Variants in SEPTIN10 observed in about 807,000 individuals in gnomAD.
SEPTIN10 encodes septin 10.
A neutral mutation model predicts 54.8 loss-of-function variants in SEPTIN10; 66 were observed. The ratio of observed to expected loss-of-function variants is 1.21; its 90% CI spans 0.99 to 1.48. The LOEUF (loss-of-function observed/expected upper bound fraction) is 1.48. SEPTIN10 is among the 40% of genes most tolerant of loss of function. The probability of loss-of-function intolerance (pLI) is 0.00; values close to 1 mark genes in which losing one functional copy is unlikely to be tolerated. For synonymous variants in SEPTIN10, 161 were observed against 181.0 expected, an observed-to-expected ratio of 0.89 and a Z score of 0.89; for missense variants, 620 against 545.6, an observed-to-expected ratio of 1.14 and a Z score of -1.36.
chr2:109,566,352 C>A (rs1687021554), intron 6 of SEPTIN10, among the ~76,000 whole-genome samples: 2 of 152,020 alleles, frequency 1.3e-5, no homozygotes, highest in Non-Finnish European at 2.9e-5. Flanking sequence ...AACTCCTGAC[C>A]TCAGGTGATC....
intron 8 of SEPTIN10, among the ~76,000 whole-genome samples, chr2:109,562,132 G>A (rs1048551763): frequency 2.0e-5 from 3 of 151,992 alleles, no homozygotes; most frequent in African/African-American, 7.3e-5. Context: ...AGAATCGCTT[G>A]AACCCAGGAG....
chr2:109,564,218 A>G (rs1212690353), intron 8 of SEPTIN10, 148 bp downstream of exon 8: 2 of 664,820 alleles, frequency 3.0e-6, no homozygotes, highest in Non-Finnish European at 4.4e-6. Context: ...GTGATTCAAG[A>G]AGCACAATAA....
chr2:109,563,116 G>A (rs1686093406), intron 8 of SEPTIN10, among the ~76,000 whole-genome samples: 1 of 152,198 alleles, frequency 6.6e-6, no homozygotes, highest in South Asian at 2.1e-4. Context: ...TCACCATGTT[G>A]GCCAGGCTGG....
chr2:109,590,047 TATGTGTGTGTATATATATAC>T (rs1247139156), intron 2 of SEPTIN10, among the ~76,000 whole-genome samples: 2 of 146,330 alleles, frequency 1.4e-5, no homozygotes. Flanking sequence ...CACACATATA[TATGTGTGTGTATATATATAC>T]ACACACATAT....
At chr2:109,582,737 A>G (rs1416613478) in intron 4 of SEPTIN10, among the ~76,000 whole-genome samples, 1 of 152,248 alleles carries the variant, frequency 6.6e-6, no homozygotes, top group Non-Finnish European at 1.5e-5. Flanking sequence ...ACTAAGCAAA[A>G]GAACAAAGCC....
At chr2:109,588,141 C>T (rs1303885798) in intron 2 of SEPTIN10, among the ~76,000 whole-genome samples, 1 of 151,746 alleles carries the variant, frequency 6.6e-6, no homozygotes, top group Non-Finnish European at 1.5e-5. Context: ...ATTCTACAGC[C>T]AATGAAAACA....
At chr2:109,559,404 G>C (rs564883230) in intron 8 of SEPTIN10, among the ~76,000 whole-genome samples, 2 of 152,262 alleles carry the variant, frequency 1.3e-5, no homozygotes, top group South Asian at 4.2e-4. Context: ...TCTGTAGCCT[G>C]ACCTAAACTT....
At chr2:109,608,244 T>C (rs905252633) in intron 1 of SEPTIN10, among the ~76,000 whole-genome samples, 3 of 152,222 alleles carry the variant, frequency 2.0e-5, no homozygotes, top group Non-Finnish European at 4.4e-5. Context: ...ACAGCTTCTA[T>C]TTGTCCATGA....
intron 4 of SEPTIN10, among the ~76,000 whole-genome samples, chr2:109,581,301 A>G (rs1691068990): frequency 1.3e-5 from 2 of 151,942 alleles, no homozygotes; most frequent in Admixed American, 6.6e-5. Context: ...GCCGGGTGTC[A>G]TAGCGGGCAC....
At chr2:109,554,058 G>C (rs1031748707) in intron 8 of SEPTIN10, among the ~76,000 whole-genome samples, 2 of 151,998 alleles carry the variant, frequency 1.3e-5, no homozygotes, top group East Asian at 1.9e-4. Context: ...TCTAAATAAA[G>C]ACTCAAAACC....
Position 109,553,194 on chromosome 2 carries a change from T to C in SEPTIN10, c.1054A>G (p.Arg352Gly), listed in dbSNP as rs1416433055. ...VSVQETYEAK[R>G]HEFHGERQRK... is the part of the protein sequence containing the mutation. Reference sequence around the variant, plus strand: ...TGACGTTCACCATGGAACTCATGTCTTTTGGCTTCATAGGTCTCTTGAACA... The same window carrying C: ...TGACGTTCACCATGGAACTCATGTCCTTTGGCTTCATAGGTCTCTTGAACA... The change falls in exon 9 of 11, where the codon AGA (arginine) becomes GGA (glycine). Residue 352 changes from arginine (R) to glycine (G), a missense_variant. Transcript: ENST00000397712. 1.2e-6 allele frequency: 2 copies of C among 1,614,122 alleles called. No individual in the cohort carries two copies. The highest frequency in any genetic ancestry group is 1.7e-6 in the Non-Finnish European group (2 of 1,179,994).
At chr2:109,574,888 G>T in intron 4 of SEPTIN10, 121 bp from the exon 5 acceptor site, 1 of 576,334 alleles carries the variant, frequency 1.7e-6, no homozygotes, top group Non-Finnish European at 2.7e-6. Flanking sequence ...TATCTATGCT[G>T]AACAGATTAA....
intron 1 of SEPTIN10, among the ~76,000 whole-genome samples, chr2:109,598,683 A>C (rs541797144): frequency 6.6e-6 from 1 of 152,022 alleles, no homozygotes; most frequent in South Asian, 2.1e-4. Flanking sequence ...TCTCTACTAA[A>C]AATACAAAAA....
chr2:109,589,205 C>T (rs778133800), intron 2 of SEPTIN10, among the ~76,000 whole-genome samples: 1 of 151,880 alleles, frequency 6.6e-6, no homozygotes, highest in African/African-American at 2.4e-5. Flanking sequence ...TGCAGTCGTG[C>T]GACCTTGGCA....
Position 109,567,901 on chromosome 2 carries a change from T to A in SEPTIN10, c.676A>T (p.Met226Leu). 6.2e-7 allele frequency: 1 copy of A among 1,613,828 alleles called. No homozygotes were observed. The highest frequency in any genetic ancestry group is 8.5e-7 in the Non-Finnish European group (1 of 1,179,726). Residue 226 changes from methionine to leucine, a missense_variant, in exon 6 of 11, where the codon ATG (methionine) becomes TTG (leucine). Coordinates refer to ENST00000397712, the MANE Select transcript of SEPTIN10 (RefSeq NM_144710.5). Reference sequence around the variant, plus strand: ...ACGCCATTGCTGACCAATTCACTCATGAGCTTGATCTTAAACTTCTGTAAT... The same window carrying A: ...ACGCCATTGCTGACCAATTCACTCAAGAGCTTGATCTTAAACTTCTGTAAT... ...TELQKFKIKL[M>L]SELVSNGVQI... is the part of the protein sequence containing the mutation.
At chr2:109,586,872 A>G (rs138484145) in intron 2 of SEPTIN10, among the ~76,000 whole-genome samples, 53 of 152,348 alleles carry the variant, frequency 3.5e-4, no homozygotes, top group African/African-American at 1.2e-3. Flanking sequence ...ACAAGGCTCA[A>G]CATGATCAAT....
At chr2:109,552,242 G>A (rs1030392193) in intron 9 of SEPTIN10, among the ~76,000 whole-genome samples, 1 of 152,156 alleles carries the variant, frequency 6.6e-6, no homozygotes, top group Non-Finnish European at 1.5e-5. Flanking sequence ...GGTCCCTGGT[G>A]CCAAAAAGGT....
rs1027889209 is a variant in SEPTIN10, at chr2:109,567,151, T to C, written c.762+664A>G. On this transcript the variant is annotated intron_variant, in intron 6 of 10. Transcript: ENST00000397712. ...CGCTTAACAAAGGTGACATCATTTATCCCTCACAACAACCCTTAAGGTGGG... is the reference window on the plus strand; with the variant it reads ...CGCTTAACAAAGGTGACATCATTTACCCCTCACAACAACCCTTAAGGTGGG... Among the ~76,000 whole-genome samples, 7 of 152,280 alleles carry C rather than the reference T, an allele frequency of 4.6e-5. No individual in the cohort carries two copies. The East Asian group carries it at 1.4e-3, about 29-fold the overall frequency.
intron 9 of SEPTIN10, among the ~76,000 whole-genome samples, chr2:109,548,607 C>T (rs1681958111): frequency 6.6e-6 from 1 of 151,934 alleles, no homozygotes; most frequent in Non-Finnish European, 1.5e-5. Context: ...GAAACCCCGT[C>T]TCTACTAAAA....
Sources: allele counts gnomAD v4.1 joint callset (sites outside exome capture counted in the v4.1 genomes callset), GRCh38; gene constraint gnomAD v4.1.1; transcripts MANE v1.5; gene names NCBI Gene and HGNC (gene_info 2026-07-23, HGNC 2026-07-21).